SLC60A2: variants seen among roughly 807,000 people sequenced by gnomAD.
SLC60A2 encodes the protein major facilitator superfamily domain containing 4B.
the SLC60A2 span, chr6:111,259,745 A>G: frequency 1.3e-6 from 2 of 1,575,062 alleles, no homozygotes; most frequent in African/African-American, 2.7e-5. Flanking sequence ...CCGGGGCTGC[A>G]ACACTCCCAG....
the SLC60A2 span, chr6:111,262,418 A>G: frequency 2.5e-6 from 4 of 1,611,386 alleles, no homozygotes; most frequent in South Asian, 1.1e-5. Flanking sequence ...ATTATTTTTT[A>G]CTTTTGGGTA....
chr6:111,264,720 G>A, the SLC60A2 span, among the ~76,000 whole-genome samples: 7 of 151,508 alleles, frequency 4.6e-5, no homozygotes, highest in Non-Finnish European at 7.4e-5. Flanking sequence ...CCCAGGAGGC[G>A]GAGCTTGCAG....
At chr6:111,264,469 T>C in the SLC60A2 span, among the ~76,000 whole-genome samples, 1 of 152,092 alleles carries the variant, frequency 6.6e-6, no homozygotes, top group Non-Finnish European at 1.5e-5. Context: ...GTAGATTCTT[T>C]CCCGTATCAT....
chr6:111,265,983 A>G, the SLC60A2 span: 1 of 1,614,148 alleles, frequency 6.2e-7, no homozygotes, highest in East Asian at 2.2e-5. Flanking sequence ...ACTGCTAGCT[A>G]AACTGGCTTT....
the SLC60A2 span, among the ~76,000 whole-genome samples, chr6:111,272,639 G>C: frequency 6.6e-6 from 1 of 150,776 alleles, no homozygotes; most frequent in African/African-American, 2.4e-5. Flanking sequence ...AGCCACCCAA[G>C]TAGCTGGGAT....
the SLC60A2 span, chr6:111,266,415 GCAAT>G: frequency 5.0e-6 from 8 of 1,614,040 alleles, no homozygotes; most frequent in Non-Finnish European, 5.9e-6. Flanking sequence ...CAGGGGCCTG[GCAAT>G]CTTTTTTGCT....
the SLC60A2 span, chr6:111,270,999 AC>A: frequency 6.9e-6 from 1 of 144,666 alleles, no homozygotes; most frequent in East Asian, 2.0e-4. Flanking sequence ...TGTTTGTTGG[AC>A]AGTGGGTGAG....
At chr6:111,261,110 TAA>T in the SLC60A2 span, among the ~76,000 whole-genome samples, 2 of 152,242 alleles carry the variant, frequency 1.3e-5, no homozygotes, top group African/African-American at 2.4e-5. Context: ...GTTTTATTGT[TAA>T]AGTCATTCTG....
chr6:111,262,199 ATAGT>A, the SLC60A2 span: 10 of 1,424,600 alleles, frequency 7.0e-6, 1 homozygote, highest in South Asian at 7.6e-5. Flanking sequence ...AAACTACCAC[ATAGT>A]TAGACATTAT....
chr6:111,262,136 C>T, the SLC60A2 span: 2 of 726,198 alleles, frequency 2.8e-6, no homozygotes, highest in Non-Finnish European at 4.4e-6. Flanking sequence ...TAATTCCCTA[C>T]ATTACATTGT....
chr6:111,276,135 C>A, the SLC60A2 span, among the ~76,000 whole-genome samples: 26 of 152,140 alleles, frequency 1.7e-4, no homozygotes, highest in Non-Finnish European at 3.4e-4. Flanking sequence ...TATGATACAC[C>A]ATTGTATATA....
At chr6:111,259,703 G>A in the SLC60A2 span, 1 of 1,600,562 alleles carries the variant, frequency 6.2e-7, no homozygotes, top group Non-Finnish European at 8.5e-7. Context: ...CCACCTTGAT[G>A]CTGTGTGCCT....
the SLC60A2 span, among the ~76,000 whole-genome samples, chr6:111,271,775 TAAAAAAAAA>T: frequency 0.015 from 284 of 18,848 alleles, 5 homozygotes; most frequent in Admixed American, 0.086. Flanking sequence ...CCATCTCTAC[TAAAAAAAAA>T]AAAAAAAAAA....
chr6:111,259,693 C>T, the SLC60A2 span: 2 of 1,598,560 alleles, frequency 1.3e-6, no homozygotes, highest in East Asian at 4.7e-5. Flanking sequence ...CGGTGGTTCA[C>T]CACCTTGATG....
chr6:111,266,903 A>T, the SLC60A2 span: 1 of 1,614,020 alleles, frequency 6.2e-7, no homozygotes, highest in Admixed American at 1.7e-5. Flanking sequence ...AGGATGCAGA[A>T]AAATGGAATG....
the SLC60A2 span, among the ~76,000 whole-genome samples, chr6:111,264,816 C>T: frequency 2.7e-5 from 4 of 149,782 alleles, 1 homozygote; most frequent in South Asian, 4.2e-4. Flanking sequence ...TACTAAATAA[C>T]GGCGGGGTGG....
At chr6:111,279,891 GATCAC>G in the SLC60A2 span, among the ~76,000 whole-genome samples, 1 of 152,090 alleles carries the variant, frequency 6.6e-6, no homozygotes, top group African/African-American at 2.4e-5. Flanking sequence ...AGTGAGCCAT[GATCAC>G]ACCACTGCAT....
the SLC60A2 span, chr6:111,278,771 C>T: frequency 7.9e-5 from 12 of 152,210 alleles, no homozygotes; most frequent in South Asian, 2.1e-4. Flanking sequence ...TCTTTATCAA[C>T]AGCATGAAAA....
At chr6:111,266,649 T>A in the SLC60A2 span, 13 of 1,614,104 alleles carry the variant, frequency 8.1e-6, no homozygotes, top group Non-Finnish European at 1.1e-5. Context: ...AATTGGTGCT[T>A]CCCTGGGAGA....
Sources: gnomAD v4.1 joint callset for allele counts (sites outside exome capture counted in the v4.1 genomes callset) on GRCh38, gnomAD v4.1.1 for gene constraint, MANE v1.5 for transcripts, NCBI Gene and HGNC (gene_info 2026-07-23, HGNC 2026-07-21) for gene names.